The following PCDH15 variants were observed in gnomAD, a reference collection of about 807,000 sequenced individuals.
PCDH15 encodes the protein protocadherin-15.
In PCDH15, 129 loss-of-function variants were observed where a neutral mutation model predicts 178.5. The ratio of observed to expected loss-of-function variants is 0.72; its 90% CI spans 0.63 to 0.84. The LOEUF (loss-of-function observed/expected upper bound fraction) is 0.84. Among genes scored for constraint, PCDH15 ranks in the 40% least tolerant of loss-of-function variants. PCDH15 has a pLI of 0.00. For missense variants in PCDH15, 2,230 were observed against 2,099.9 expected (o/e 1.06, Z -1.21); for synonymous variants, 800 against 732.0 (o/e 1.09, Z -1.50).
rs141791190 is a variant in PCDH15 at position 54,842,118 on chromosome 10, C to T, written c.-29+55332G>A. Among the ~76,000 whole-genome samples the T allele has an allele frequency of 1.1e-4, 16 of 151,390 alleles. No homozygotes were observed. The East Asian group carries it at 3.1e-3, about 29-fold the overall frequency. ...CTTATGTAACTACAAAATTCATAAACGTTCATGATAATTTCAAATCTGTCA... is the reference window on the plus strand; with the variant it reads ...CTTATGTAACTACAAAATTCATAAATGTTCATGATAATTTCAAATCTGTCA... On this transcript the variant is annotated intron_variant, in intron 3 of 5. Transcript: ENST00000458638.
At chr10:54,821,386 C>T (rs182949481) in intron 3 of PCDH15, among the ~76,000 whole-genome samples, 3 of 151,842 alleles carry the variant, frequency 2.0e-5, no homozygotes, top group African/African-American at 2.4e-5. Context: ...TAGGGGCTAA[C>T]ATTTACACAA....
At chr10:53,836,606 G>T (rs973595208) in intron 29 of PCDH15, among the ~76,000 whole-genome samples, 1 of 152,188 alleles carries the variant, frequency 6.6e-6, no homozygotes. Context: ...AATTGCAACA[G>T]CAAAATCCAA....
chr10:55,469,142 T>C (rs916442763), intron 2 of PCDH15: 1 of 152,062 alleles, frequency 6.6e-6, no homozygotes, highest in Non-Finnish European at 1.5e-5. Flanking sequence ...TCTACAAGTA[T>C]TGAAATCCAA....
At chr10:55,597,850 C>G (rs184560146) in intron 2 of PCDH15, among the ~76,000 whole-genome samples, 4 of 152,058 alleles carry the variant, frequency 2.6e-5, no homozygotes, top group Admixed American at 2.0e-4. Flanking sequence ...AAGCAAGGCA[C>G]TGAAAATGCC....
chr10:53,888,702 T>TATATATATAAA (rs1554845542), intron 26 of PCDH15, among the ~76,000 whole-genome samples: 2 of 46,190 alleles, frequency 4.3e-5, no homozygotes, highest in Non-Finnish European at 9.0e-5. Context: ...TATATATATA[T>TATATATATAAA]ATCTCCTGTG....
At chr10:54,605,261 T>C (rs567765396) in intron 2 of PCDH15, among the ~76,000 whole-genome samples, 3 of 152,194 alleles carry the variant, frequency 2.0e-5, no homozygotes, top group South Asian at 2.1e-4. Flanking sequence ...TGCTCTTATA[T>C]TGTTATTTAG....
At chr10:54,857,677 T>C (rs1953764770) in intron 3 of PCDH15, among the ~76,000 whole-genome samples, 1 of 151,820 alleles carries the variant, frequency 6.6e-6, no homozygotes, top group South Asian at 2.1e-4. Context: ...GTTGCAAACT[T>C]CTGGCATCAA....
chr10:55,386,475 T>G (rs1393094555), intron 2 of PCDH15, among the ~76,000 whole-genome samples: 1 of 152,032 alleles, frequency 6.6e-6, no homozygotes, highest in Non-Finnish European at 1.5e-5. Context: ...ATCTCACTAT[T>G]GTATTGGAGA....
At chr10:55,566,788 A>G (rs1285201507) in intron 2 of PCDH15, among the ~76,000 whole-genome samples, 1 of 151,896 alleles carries the variant, frequency 6.6e-6, no homozygotes, top group Non-Finnish European at 1.5e-5. Context: ...GAATATAAAA[A>G]TGAATGGAAA....
intron 2 of PCDH15, among the ~76,000 whole-genome samples, chr10:55,565,101 G>A (rs551561833): frequency 2.0e-5 from 3 of 151,732 alleles, no homozygotes; most frequent in African/African-American, 7.2e-5. Flanking sequence ...TATGTGTTAG[G>A]CCACAAATTA....
Position 55,126,764 on chromosome 10 carries a change from A to C in PCDH15, c.-80+39812T>G, listed in dbSNP as rs574890990. Among the ~76,000 whole-genome samples, 53 of 152,210 alleles carry C rather than the reference A, an allele frequency of 3.5e-4. No individual in the cohort carries two copies. The South Asian group carries it at 8.3e-3, about 24-fold the overall frequency. On this transcript the variant is annotated intron_variant, in intron 2 of 5. Transcript: ENST00000458638. ...TTGATATAAAAGGAATACTAGGAGA[A>C]AATTATCCTGTCTCAGAAAGATATA...
intron 2 of PCDH15, among the ~76,000 whole-genome samples, chr10:54,948,227 C>G (rs1838239508): frequency 6.6e-6 from 1 of 151,924 alleles, no homozygotes; most frequent in Non-Finnish European, 1.5e-5. Flanking sequence ...AGTTTGAAAG[C>G]CTTAAGGCTT....
intron 25 of PCDH15, 57 bp downstream of exon 25, chr10:53,938,758 A>C (rs2085793813): frequency 6.4e-7 from 1 of 1,565,614 alleles, no homozygotes; most frequent in Non-Finnish European, 8.7e-7. Flanking sequence ...ATTTCATTTA[A>C]AAAATTAGCA....
chr10:54,508,430 A>C (rs1458242698), intron 3 of PCDH15, among the ~76,000 whole-genome samples: 1 of 152,078 alleles, frequency 6.6e-6, no homozygotes, highest in Non-Finnish European at 1.5e-5. Context: ...TATATTCAAT[A>C]AACCCATCAT....
intron 26 of PCDH15, among the ~76,000 whole-genome samples, chr10:53,871,534 CTAAGT>C (rs573866838): frequency 6.8e-6 from 1 of 148,128 alleles, no homozygotes; most frequent in Non-Finnish European, 1.5e-5. Flanking sequence ...TTATAGTTAC[CTAAGT>C]TGTCATAATG....
chr10:53,941,882 TA>T, intron 23 of PCDH15, among the ~76,000 whole-genome samples: 1 of 152,368 alleles, frequency 6.6e-6, no homozygotes, highest in East Asian at 1.9e-4. Flanking sequence ...TATTTATTTT[TA>T]TTTTTTTATC....
At chr10:55,057,917 T>C (rs1383743811) in intron 2 of PCDH15, among the ~76,000 whole-genome samples, 1 of 152,198 alleles carries the variant, frequency 6.6e-6, no homozygotes, top group East Asian at 1.9e-4. Flanking sequence ...TTATTATCAA[T>C]TAATGCTTGT....
In PCDH15 at chr10:53,903,363, T is replaced by A; in HGVS notation, c.3381A>T (p.Thr1127=). 1.2e-6 allele frequency: 2 copies of A among 1,612,754 alleles called. No homozygotes were observed. The highest frequency in any genetic ancestry group is 1.7e-6 in the Non-Finnish European group (2 of 1,179,348). The change falls in exon 26 of 38, where the codon ACA becomes ACT. Residue 1127 remains threonine (T), a synonymous_variant. Coordinates refer to ENST00000644397, the MANE Select transcript of PCDH15 (RefSeq NM_001384140.1). ...CCTGAATCTCAATGTATACTTTAGC[T>A]GTATTGCCTGGAGGACAAGAAACGA... ...ANLRVPSKSN[T]AKVYIEIQDE...
chr10:53,914,630 C>T (rs1478464148), intron 25 of PCDH15, among the ~76,000 whole-genome samples: 4 of 151,912 alleles, frequency 2.6e-5, no homozygotes, highest in South Asian at 2.1e-4. Flanking sequence ...TGGGGGCTGG[C>T]GGAGGGATAG....
Sources: allele counts gnomAD v4.1 joint callset (sites outside exome capture counted in the v4.1 genomes callset), GRCh38; gene constraint gnomAD v4.1.1; transcripts MANE v1.5; gene names NCBI Gene and HGNC (gene_info 2026-07-23, HGNC 2026-07-21).